Variants in SGPP1 observed in about 807,000 individuals in gnomAD.
SGPP1 encodes the protein sphingosine-1-phosphate phosphatase 1.
A neutral mutation model predicts 33.0 loss-of-function variants in SGPP1; 21 were observed. The ratio of observed to expected loss-of-function variants is 0.64; its 90% confidence interval spans 0.45 to 0.92. SGPP1 has a LOEUF of 0.92. Ranked by LOEUF, SGPP1 falls within the 40% of genes least tolerant of loss-of-function variation. The pLI is 0.00. For missense variants in SGPP1, 543 were observed against 589.4 expected (o/e 0.92, Z 0.81); for synonymous variants, 239 against 241.2 (o/e 0.99, Z 0.08).
At chr14:63,713,505 T>C (rs1009758045) in intron 1 of SGPP1, among the ~76,000 whole-genome samples, 2 of 152,206 alleles carry the variant, frequency 1.3e-5, no homozygotes, top group East Asian at 3.8e-4. Flanking sequence ...AGAACTGGTG[T>C]CAGTCATAAT....
chr14:63,687,509 G>C (rs1216136529), intron 2 of SGPP1, among the ~76,000 whole-genome samples: 2 of 152,130 alleles, frequency 1.3e-5, no homozygotes, highest in Non-Finnish European at 2.9e-5. Flanking sequence ...ACTAAAACAG[G>C]ACAACAGAAT....
intron 1 of SGPP1, among the ~76,000 whole-genome samples, chr14:63,719,006 A>ATG: frequency 4.0e-5 from 1 of 25,138 alleles, no homozygotes; most frequent in South Asian, 1.5e-3. Flanking sequence ...ATATATATAT[A>ATG]TATATATATT....
At chr14:63,722,667 T>C (rs1259528504) in intron 1 of SGPP1, among the ~76,000 whole-genome samples, 1 of 151,854 alleles carries the variant, frequency 6.6e-6, no homozygotes, top group East Asian at 1.9e-4. Context: ...ATAAAGTAAG[T>C]GCTACAGCTA....
chr14:63,722,413 C>A (rs1274641077), intron 1 of SGPP1, among the ~76,000 whole-genome samples: 3 of 149,758 alleles, frequency 2.0e-5, no homozygotes, highest in African/African-American at 7.4e-5. Context: ...TGCCTGTAAT[C>A]CCAGCTACTC....
intron 1 of SGPP1, among the ~76,000 whole-genome samples, chr14:63,711,267 G>A (rs967879506): frequency 5.9e-4 from 90 of 151,984 alleles, no homozygotes; most frequent in African/African-American, 1.7e-3. Context: ...CGCCCACCTC[G>A]GTCTCCCAAA....
chr14:63,727,827 T>C lies in SGPP1; in HGVS notation c.118A>G (p.Arg40Gly). 6.6e-7 allele frequency: 1 copy of C among 1,509,604 alleles called. No homozygotes were observed. Among genetic ancestry groups the C allele is most frequent in the Non-Finnish European group, 8.8e-7 (1 of 1,135,358 alleles). 93.5% of individuals were successfully genotyped at this position (1,509,604 alleles called of 1,614,324 possible). A position where few individuals can be genotyped will look rare whatever the true frequency, so the allele number is the denominator to read the frequency against. The change falls in exon 1 of 3, where the codon AGG becomes GGG. Residue 40 changes from arginine (R) to glycine (G), a missense_variant. By Grantham distance (125) the Arg-to-Gly change is moderately radical (BLOSUM62 -2). Coordinates refer to ENST00000247225, the MANE Select transcript of SGPP1 (RefSeq NM_030791.4). ...GGCGCCTCCGCTTTCTCATCCTCCC[T>C]CCGGTCTGCTGAGCGGCGCGGCGGC... ...EAPPRRSADR[R>G]EDEKAEAPLA... is the part of the protein sequence containing the mutation.
intron 1 of SGPP1, among the ~76,000 whole-genome samples, chr14:63,700,017 C>T (rs1268806956): frequency 6.6e-6 from 1 of 151,874 alleles, no homozygotes; most frequent in African/African-American, 2.4e-5. Flanking sequence ...GGCTGATGTG[C>T]GGCAGCATAA....
intron 2 of SGPP1, among the ~76,000 whole-genome samples, chr14:63,687,831 A>G (rs1433141294): frequency 1.3e-5 from 2 of 152,096 alleles, no homozygotes; most frequent in African/African-American, 2.4e-5. Flanking sequence ...CTTAAGAATA[A>G]AAAGTGAGGT....
chr14:63,720,012 G>A (rs1464869789), intron 1 of SGPP1, among the ~76,000 whole-genome samples: 2 of 151,238 alleles, frequency 1.3e-5, no homozygotes, highest in African/African-American at 2.4e-5. Context: ...GGTAATCCCA[G>A]CTACTCGGGA....
intron 1 of SGPP1, among the ~76,000 whole-genome samples, chr14:63,719,002 ATATATATATATATTTTTTTTTTT>A (rs1181737327): frequency 3.0e-4 from 7 of 23,376 alleles, no homozygotes; most frequent in African/African-American, 1.6e-3. Context: ...ATATATATAT[ATATATATATATATTTTTTTTTTT>A]TTTTTTTTTT....
intron 1 of SGPP1, among the ~76,000 whole-genome samples, chr14:63,725,688 G>A (rs1885864727): frequency 6.6e-6 from 1 of 152,186 alleles, no homozygotes; most frequent in African/African-American, 2.4e-5. Context: ...CGATTCAGCA[G>A]TACTGTTTTC....
At chr14:63,707,842 T>C (rs1885446955) in intron 1 of SGPP1, among the ~76,000 whole-genome samples, 1 of 150,396 alleles carries the variant, frequency 6.6e-6, no homozygotes, top group South Asian at 2.1e-4. Flanking sequence ...TCTGTGCAGA[T>C]TTTTTTTTTA....
intron 2 of SGPP1, among the ~76,000 whole-genome samples, chr14:63,691,658 T>C (rs1267823828): frequency 6.6e-6 from 1 of 152,172 alleles, no homozygotes; most frequent in Middle Eastern, 3.2e-3. Context: ...AAAATACTGA[T>C]GCCTGGGACA....
intron 1 of SGPP1, among the ~76,000 whole-genome samples, chr14:63,718,994 ATATATATATATATATATATATTTTT>A (rs1183947769): frequency 1.6e-3 from 29 of 18,090 alleles, no homozygotes; most frequent in African/African-American, 8.0e-3. Context: ...ATATATATAT[ATATATATATATATATATATATTTTT>A]TTTTTTTTTT....
intron 1 of SGPP1, among the ~76,000 whole-genome samples, chr14:63,712,256 G>A (rs1312371136): frequency 6.6e-6 from 1 of 151,968 alleles, no homozygotes; most frequent in Non-Finnish European, 1.5e-5. Flanking sequence ...TCTCTTAGCA[G>A]AATAACAATG....
At chr14:63,712,029 CAAAA>C (rs61030675) in intron 1 of SGPP1, among the ~76,000 whole-genome samples, 1 of 70,768 alleles carries the variant, frequency 1.4e-5, no homozygotes. Context: ...GACTCCATCT[CAAAA>C]AAAAAAAAAA....
chr14:63,693,931 T>C (rs1885136525), intron 2 of SGPP1, among the ~76,000 whole-genome samples: 1 of 152,218 alleles, frequency 6.6e-6, no homozygotes, highest in South Asian at 2.1e-4. Flanking sequence ...TTTTTCATAA[T>C]AGATATAAGC....
chr14:63,718,996 ATATATATATATATATATATTTTTTTTTT>A (rs1885698054), intron 1 of SGPP1, among the ~76,000 whole-genome samples: 1 of 19,032 alleles, frequency 5.3e-5, no homozygotes, highest in African/African-American at 2.7e-4. Flanking sequence ...ATATATATAT[ATATATATATATATATATATTTTTTTTTT>A]TTTTTTTTTT....
chr14:63,694,854 C>T (rs182423413), intron 2 of SGPP1, among the ~76,000 whole-genome samples: 2 of 152,110 alleles, frequency 1.3e-5, no homozygotes, highest in Non-Finnish European at 2.9e-5. Context: ...TTGTTAATTA[C>T]ACATCTAAAT....
Sources: allele counts gnomAD v4.1 joint callset (sites outside exome capture counted in the v4.1 genomes callset), GRCh38; gene constraint gnomAD v4.1.1; transcripts MANE v1.5; gene names NCBI Gene and HGNC (gene_info 2026-07-23, HGNC 2026-07-21).